The following BRD1 variants were observed in gnomAD, a reference collection of about 807,000 sequenced individuals.
The protein encoded by BRD1 is bromodomain containing 1.
Under a neutral mutation model 107.7 loss-of-function variants are expected in BRD1, and 24 were observed. The ratio of observed to expected loss-of-function variants is 0.22; its 90% CI spans 0.16 to 0.31. BRD1 has a LOEUF of 0.31. Among genes scored for constraint, BRD1 ranks in the 10% least tolerant of loss-of-function variants. BRD1 has a pLI of 1.00. For missense variants in BRD1, 1,279 were observed against 1,638.6 expected (o/e 0.78, Z 3.79); for synonymous variants, 744 against 686.1 (o/e 1.08, Z -1.32).
chr22:49,804,020 C>T (rs778588259), intron 3 of BRD1, among the ~76,000 whole-genome samples, 184 bp downstream of exon 3: 29 of 152,234 alleles, frequency 1.9e-4, no homozygotes, highest in Non-Finnish European at 3.4e-4. Flanking sequence ...CCCCCCGAGT[C>T]GCAGATCCAG....
Position 49,803,822 on chromosome 22 carries a change from T to G in BRD1, c.1524+382A>C, listed in dbSNP as rs1401833440. Among the ~76,000 whole-genome samples the G allele has an allele frequency of 6.6e-6, 1 of 152,066 alleles. No homozygotes were observed. The highest frequency in any genetic ancestry group is 2.4e-5 in the African/African-American group (1 of 41,384). Reference sequence around the variant, plus strand: ...GACCCCCACCCACATGGCCCGGGTGTGCTCACCGGGTCCCACTCCTGCTGT... The same window carrying G: ...GACCCCCACCCACATGGCCCGGGTGGGCTCACCGGGTCCCACTCCTGCTGT... On this transcript the variant is annotated intron_variant, in intron 3 of 12. Coordinates refer to ENST00000404760, the MANE Select transcript of BRD1 (RefSeq NM_001304808.3). The surrounding 1 kb of genome is among the most constrained non-coding windows in gnomAD (Gnocchi z 4.4).
chr22:49,808,787 G>A (rs1004863658), intron 2 of BRD1, among the ~76,000 whole-genome samples: 1 of 152,114 alleles, frequency 6.6e-6, no homozygotes, highest in African/African-American at 2.4e-5. Flanking sequence ...AAATGCCCCC[G>A]ACTCCAAAAC....
chr22:49,775,467 G>A (rs1427598020), intron 12 of BRD1, 124 bp downstream of exon 12: 17 of 993,192 alleles, frequency 1.7e-5, no homozygotes, highest in Admixed American at 9.3e-5. Context: ...ACTCACCTCC[G>A]ACTTTAGCTG....
chr22:49,777,648 T>G (rs1243315700), intron 9 of BRD1, 30 bp downstream of exon 9: 1 of 1,593,668 alleles, frequency 6.3e-7, no homozygotes, highest in South Asian at 1.1e-5. Flanking sequence ...GGGAGCTGCG[T>G]GGTGGGAAGC....
At chr22:49,814,061 C>T (rs1181477042) in intron 2 of BRD1, among the ~76,000 whole-genome samples, 2 of 152,036 alleles carry the variant, frequency 1.3e-5, no homozygotes, top group Non-Finnish European at 2.9e-5. Context: ...GAACGGAATT[C>T]CATGGCCAGG....
intron 7 of BRD1, among the ~76,000 whole-genome samples, chr22:49,790,299 C>T (rs1298675795): frequency 2.0e-5 from 3 of 152,214 alleles, no homozygotes; most frequent in African/African-American, 7.2e-5. Context: ...CCCAACCCGT[C>T]CCTCGAGTGG....
At chr22:49,779,233 GA>G (rs2059157601) in intron 8 of BRD1, among the ~76,000 whole-genome samples, 1 of 152,178 alleles carries the variant, frequency 6.6e-6, no homozygotes, top group Admixed American at 6.5e-5. Flanking sequence ...GGAATGGCTG[GA>G]CTGCGGGATT....
chr22:49,793,303 C>A (rs927440362), intron 7 of BRD1, among the ~76,000 whole-genome samples: 3 of 152,236 alleles, frequency 2.0e-5, no homozygotes, highest in Admixed American at 6.5e-5. Context: ...CACAGACCAT[C>A]GCTCGTAAAC....
chr22:49,824,257 T>C lies in BRD1; in HGVS notation c.61A>G (p.Ser21Gly). Residue 21 changes from serine to glycine, a missense_variant, in exon 2 of 13, where the codon AGT becomes GGT. Ser to Gly is a moderately conservative substitution (Grantham distance 56). Transcript: ENST00000404760. This position sits in a 1 kb window ranked among gnomAD's most constrained non-coding sequence, Gnocchi z 5.9. ...TCTCGCGTAGGGGAGTGTTTAACACTGCATGGGGAAGAAGGATGCCTCGCT... is the reference window on the plus strand; with the variant it reads ...TCTCGCGTAGGGGAGTGTTTAACACCGCATGGGGAAGAAGGATGCCTCGCT... ...SAARHPSSPC[S>G]VKHSPTRETL... 3.7e-6 allele frequency: 6 copies of C among 1,614,004 alleles called. No homozygotes were observed. The highest frequency in any genetic ancestry group is 4.2e-6 in the Non-Finnish European group (5 of 1,180,004).
chr22:49,776,100 G>A lies in BRD1; in HGVS notation c.3181C>T (p.Leu1061=), dbSNP rs1223501171. Residue 1061 remains leucine, a synonymous_variant, in exon 11 of 13, where the codon CTG becomes TTG. Transcript: ENST00000404760. ...TDAAASVLEP[L]KVVWAKCSGY... ...CTGCACTTGGCCCACACCACCTTCA[G>A]AGGCTCCAGCACCGAGGCGGCGGCA... 6 of 1,601,812 alleles carry A rather than the reference G, an allele frequency of 3.7e-6. No individual in the cohort carries two copies. The highest frequency in any genetic ancestry group is 5.1e-6 in the Non-Finnish European group (6 of 1,177,856).
At chr22:49,779,698 C>A (rs1360250744) in intron 8 of BRD1, among the ~76,000 whole-genome samples, 1 of 152,148 alleles carries the variant, frequency 6.6e-6, no homozygotes, top group Non-Finnish European at 1.5e-5. Flanking sequence ...AGACCCTGCA[C>A]ACTCAGGCCC....
At chr22:49,794,791 TG>T (rs2059499590) in intron 6 of BRD1, among the ~76,000 whole-genome samples, 1 of 152,274 alleles carries the variant, frequency 6.6e-6, no homozygotes, top group African/African-American at 2.4e-5. Flanking sequence ...CTTCAGATGC[TG>T]ATCATTGTGT....
intron 2 of BRD1, among the ~76,000 whole-genome samples, chr22:49,812,476 C>T (rs939394201): frequency 2.0e-5 from 3 of 152,152 alleles, no homozygotes; most frequent in African/African-American, 7.2e-5. Context: ...GAGGCTGAGG[C>T]ATGAGACTCA....
chr22:49,819,596 G>A (rs998970808), intron 2 of BRD1, among the ~76,000 whole-genome samples: 43 of 151,992 alleles, frequency 2.8e-4, no homozygotes, highest in Non-Finnish European at 3.4e-4. Context: ...GATTACAGGC[G>A]CGCACCACCA....
At chr22:49,806,207 T>C (rs1300713174) in intron 2 of BRD1, 1 of 152,230 alleles carries the variant, frequency 6.6e-6, no homozygotes, top group Admixed American at 6.5e-5. Context: ...AAAGATTCTG[T>C]TTGTTTTTAT....
chr22:49,810,007 A>T (rs2059819804), intron 2 of BRD1, among the ~76,000 whole-genome samples: 1 of 152,254 alleles, frequency 6.6e-6, no homozygotes, highest in East Asian at 1.9e-4. Flanking sequence ...AAAAATGTAT[A>T]ACCTATTGGG....
intron 2 of BRD1, among the ~76,000 whole-genome samples, chr22:49,810,891 C>G (rs1486513974): frequency 6.6e-6 from 1 of 152,218 alleles, no homozygotes; most frequent in African/African-American, 2.4e-5. Flanking sequence ...AGCAACTCCA[C>G]TCCTAGAATA....
chr22:49,789,495 C>A (rs76863910), intron 7 of BRD1, among the ~76,000 whole-genome samples: 2,776 of 150,816 alleles, frequency 0.018, 44 homozygotes, highest in Non-Finnish European at 0.024. Flanking sequence ...TAGCCTCCCC[C>A]CCCCGCCCCG....
chr22:49,795,136 A>C (rs1418731405), intron 6 of BRD1, among the ~76,000 whole-genome samples: 2 of 152,186 alleles, frequency 1.3e-5, no homozygotes, highest in Non-Finnish European at 2.9e-5. Context: ...GTCCTTCAAG[A>C]CTCGTATCCA....
Sources: gnomAD v4.1 joint callset for allele counts (sites outside exome capture counted in the v4.1 genomes callset) on GRCh38, gnomAD v4.1.1 for gene constraint, Gnocchi (gnomAD v3.1) non-coding constraint, MANE v1.5 for transcripts, NCBI Gene and HGNC (gene_info 2026-07-23, HGNC 2026-07-21) for gene names.